The following ITIH5 variants were observed in gnomAD, a reference collection of about 807,000 sequenced individuals.
ITIH5 encodes the protein inter-alpha-trypsin inhibitor heavy chain H5.
ITIH5 carries 65 observed loss-of-function variants against 77.5 expected under a neutral mutation model. That is an observed-to-expected ratio of 0.84 (90% confidence interval 0.69 to 1.03). The LOEUF is 1.03. Ranked by LOEUF, ITIH5 falls within the 50% of genes least tolerant of loss-of-function variation. The pLI, the probability that ITIH5 is intolerant of heterozygous loss-of-function variation, is 0.00. For synonymous variants in ITIH5, 525 were observed against 494.3 expected (o/e 1.06, Z -0.82); for missense variants, 1,208 against 1,213.1 (o/e 1.00, Z 0.06).
intron 7 of ITIH5, chr10:7,609,305 C>T (rs1178714302): frequency 1.0e-5 from 4 of 385,150 alleles, no homozygotes; most frequent in African/African-American, 8.4e-5. Context: ...TGTTTGTGGG[C>T]TGGTAGTTTG....
chr10:7,609,262 A>G (rs1263535221), intron 7 of ITIH5, among the ~76,000 whole-genome samples: 1 of 152,214 alleles, frequency 6.6e-6, no homozygotes, highest in African/African-American at 2.4e-5. Context: ...AATGGTAACT[A>G]CTGTGCCTCA....
At chr10:7,638,126 T>G (rs1833830741) in intron 4 of ITIH5, among the ~76,000 whole-genome samples, 1 of 152,144 alleles carries the variant, frequency 6.6e-6, no homozygotes. Context: ...AGCAAGAATT[T>G]TATAGCTCAG....
intron 4 of ITIH5, among the ~76,000 whole-genome samples, chr10:7,639,755 A>T (rs1833853244): frequency 1.3e-5 from 2 of 152,204 alleles, no homozygotes; most frequent in South Asian, 4.1e-4. Context: ...TTAAAAAGCA[A>T]TTGCTATGTA....
chr10:7,620,908 A>G (rs1833464675), intron 5 of ITIH5: 1 of 152,214 alleles, frequency 6.6e-6, no homozygotes, highest in Non-Finnish European at 1.5e-5. Context: ...ACCCTGGAAT[A>G]ATCCCCCCCA....
chr10:7,637,054 A>G (rs1403218526), intron 5 of ITIH5, among the ~76,000 whole-genome samples, 174 bp downstream of exon 5: 1 of 152,218 alleles, frequency 6.6e-6, no homozygotes, highest in Non-Finnish European at 1.5e-5. Flanking sequence ...CTCAAAAAAA[A>G]AGAAAAAAAG....
In ITIH5 at chr10:7,566,219, C is replaced by T. The variant is rs779891051; in HGVS notation, c.2338G>A (p.Val780Met). The T allele has an allele frequency of 1.9e-6, 3 of 1,613,780 alleles. No individual in the cohort carries two copies. The highest frequency in any genetic ancestry group is 2.5e-6 in the Non-Finnish European group (3 of 1,179,914). ...RLVLPCNQSV[V>M]VGSWGLEVSV... ...ACCTCCAGCCCCCAGCTCCCCACCA[C>T]CACACTCTGGTTGCAGGGGAGCACC... The change falls in exon 13 of 14, where the codon GTG becomes ATG. Residue 780 changes from valine (V) to methionine (M), a missense_variant. Transcript: ENST00000397146.
chr10:7,580,793 G>A (rs187804878), intron 8 of ITIH5, among the ~76,000 whole-genome samples: 64 of 152,284 alleles, frequency 4.2e-4, no homozygotes, highest in African/African-American at 1.5e-3. Flanking sequence ...AGGGCTAGGT[G>A]GAGCTGATGA....
chr10:7,574,794 G>GGGA (rs1554748362), intron 10 of ITIH5, among the ~76,000 whole-genome samples: 3 of 85,656 alleles, frequency 3.5e-5, no homozygotes, highest in Admixed American at 1.1e-4. Context: ...CTCCATCTCG[G>GGGA]AAAAAAAAAA....
chr10:7,629,350 C>T (rs111599999), intron 5 of ITIH5, among the ~76,000 whole-genome samples: 24,610 of 114,486 alleles, frequency 0.21, 5,241 homozygotes, highest in South Asian at 0.31. Context: ...CATGTTGTAG[C>T]GTGTGTCCCT....
At chr10:7,655,447 A>C (rs1834165233) in intron 2 of ITIH5, among the ~76,000 whole-genome samples, 184 bp downstream of exon 2, 1 of 152,142 alleles carries the variant, frequency 6.6e-6, no homozygotes, top group African/African-American at 2.4e-5. Flanking sequence ...TTCCAGAAAA[A>C]AGAAAAAAAA....
intron 8 of ITIH5, among the ~76,000 whole-genome samples, chr10:7,584,091 A>C (rs1434025188): frequency 1.3e-5 from 2 of 152,200 alleles, no homozygotes; most frequent in African/African-American, 4.8e-5. Context: ...CACAGAGAAG[A>C]TGGAGCTGGA....
At chr10:7,579,522 T>A (rs1031509714) in intron 9 of ITIH5, among the ~76,000 whole-genome samples, 3 of 145,434 alleles carry the variant, frequency 2.1e-5, no homozygotes, top group East Asian at 4.0e-4. Flanking sequence ...CGAAACTCCA[T>A]CACAAGAAAA....
intron 5 of ITIH5, among the ~76,000 whole-genome samples, chr10:7,630,826 G>A (rs11255258): frequency 0.072 from 10,922 of 151,422 alleles, 746 homozygotes; most frequent in African/African-American, 0.19. Flanking sequence ...TCTTTCTTTC[G>A]TGTTCTTAAC....
intron 8 of ITIH5, among the ~76,000 whole-genome samples, chr10:7,582,772 G>A (rs771061710): frequency 3.3e-5 from 5 of 152,146 alleles, no homozygotes; most frequent in African/African-American, 4.8e-5. Flanking sequence ...GCTTATTTGT[G>A]GCAGCTAAAA....
At chr10:7,564,739 T>G (rs918950633) in intron 13 of ITIH5, among the ~76,000 whole-genome samples, 3 of 151,706 alleles carry the variant, frequency 2.0e-5, no homozygotes, top group African/African-American at 7.3e-5. Flanking sequence ...GGTGTGAATA[T>G]ATATAATATG....
Position 7,666,837 on chromosome 10 carries a change from T to G in ITIH5, c.56A>C (p.Glu19Ala). The change falls in exon 1 of 14, where the codon GAA becomes GCA. Residue 19 changes from glutamate (E) to alanine (A), a missense_variant. Physicochemically the swap from Glu to Ala is moderately radical, Grantham distance 107. Coordinates refer to ENST00000397146, the MANE Select transcript of ITIH5 (RefSeq NM_030569.7). ...AGAGTGGCCCCAGCTCTGCGCCTCT[T>G]CCTGCGACCCCACACACAGGGACAG... ...LGLSLCVGSQ[E>A]EAQSWGHSSE... 2 of 1,609,162 alleles carry G rather than the reference T, an allele frequency of 1.2e-6. No individual in the cohort carries two copies. The highest frequency in any genetic ancestry group is 1.7e-6 in the Non-Finnish European group (2 of 1,178,312).
rs1266821125 is a variant in ITIH5, at chr10:7,616,076, T to G, written c.845A>C (p.His282Pro). Residue 282 changes from histidine to proline, a missense_variant, in exon 7 of 14, where the codon CAC becomes CCC. By Grantham distance (77) the His-to-Pro change is moderately conservative (BLOSUM62 -2). Transcript: ENST00000397146. ...AGGAAGGTCTTTAGGAGCAAAGTAG[T>G]GCACAAAATAGCCATTTAGAACCTG... ...DIQVLNGYFV[H>P]YFAPKDLPPL... 1 of 1,610,006 alleles carries G rather than the reference T, an allele frequency of 6.2e-7. No homozygotes were observed. Among genetic ancestry groups the G allele is most frequent in the African/African-American group, 1.3e-5 (1 of 74,810 alleles).
intron 1 of ITIH5, among the ~76,000 whole-genome samples, chr10:7,659,646 T>G (rs189163248): frequency 3.8e-4 from 58 of 152,302 alleles, no homozygotes; most frequent in Middle Eastern, 3.4e-3. Flanking sequence ...AAGTTTTCTC[T>G]TTTGTAAAAT....
At chr10:7,627,825 AC>A (rs1833609056) in intron 5 of ITIH5, among the ~76,000 whole-genome samples, 1 of 135,226 alleles carries the variant, frequency 7.4e-6, no homozygotes, top group Non-Finnish European at 1.5e-5. Flanking sequence ...CATGAAATTA[AC>A]CTTTTTTTTT....
Sources: gnomAD v4.1 joint callset for allele counts (sites outside exome capture counted in the v4.1 genomes callset) on GRCh38, gnomAD v4.1.1 for gene constraint, MANE v1.5 for transcripts, NCBI Gene and HGNC (gene_info 2026-07-23, HGNC 2026-07-21) for gene names.